ANKRD42: variants seen among roughly 807,000 people sequenced by gnomAD.
ANKRD42 encodes the protein ankyrin repeat domain-containing protein 42.
ANKRD42 carries 43 observed loss-of-function variants against 51.5 expected under a neutral mutation model. That is an observed-to-expected ratio of 0.83 (90% confidence interval 0.65 to 1.08). The LOEUF is 1.08. Ranked by LOEUF, ANKRD42 falls within the 50% of genes least tolerant of loss-of-function variation. The pLI is 0.00. For missense variants in ANKRD42, 608 were observed against 629.3 expected (o/e 0.97, Z 0.36); for synonymous variants, 203 against 213.0 (o/e 0.95, Z 0.41).
At chr11:83,242,585 T>TG (rs1863425813) in intron 9 of ANKRD42, among the ~76,000 whole-genome samples, 1 of 143,890 alleles carries the variant, frequency 6.9e-6, no homozygotes, top group African/African-American at 2.6e-5. Context: ...TTTTTTTTTT[T>TG]AGATGGAGTC....
At chr11:83,257,202 T>G (rs191162796), downstream of ANKRD42, 3 of 401,728 alleles carry the variant, frequency 7.5e-6, no homozygotes, top group Admixed American at 9.9e-5. Flanking sequence ...TAGGTCAAAA[T>G]GGCTTTAGTG....
chr11:83,249,552 T>G (rs1863639234), downstream of ANKRD42, among the ~76,000 whole-genome samples: 2 of 152,206 alleles, frequency 1.3e-5, no homozygotes, highest in African/African-American at 2.4e-5. Context: ...TTTCTGTCTT[T>G]TAGCTATTTA....
At chr11:83,203,730 GT>G (rs1861960625) in intron 2 of ANKRD42, among the ~76,000 whole-genome samples, 1 of 152,162 alleles carries the variant, frequency 6.6e-6, no homozygotes, top group East Asian at 1.9e-4. Flanking sequence ...CACCTTTACA[GT>G]TTTTTAACCT....
At chr11:83,239,455 T>C (rs1863322975) in intron 8 of ANKRD42, among the ~76,000 whole-genome samples, 1 of 152,220 alleles carries the variant, frequency 6.6e-6, no homozygotes, top group Admixed American at 6.5e-5. Flanking sequence ...TGGTGTCATA[T>C]CTAAAGAAGT....
rs374797808 is a variant in ANKRD42 at position 83,227,816 on chromosome 11, A to G, written c.857A>G (p.Asp286Gly). Reference sequence around the variant, plus strand: ...GGGATGCTTAAGAAATTAGTGGAAGATGGAGTAATCAATATTAATGAGCGT... The same window carrying G: ...GGGATGCTTAAGAAATTAGTGGAAGGTGGAGTAATCAATATTAATGAGCGT... ...DLGMLKKLVE[D>G]GVININERAD... The change falls in exon 7 of 11, where the codon GAT becomes GGT. Residue 286 changes from aspartate (D) to glycine (G), a missense_variant. Asp to Gly is a moderately conservative substitution (Grantham distance 94). Transcript: ENST00000533342. 1.2e-6 allele frequency: 2 copies of G among 1,613,626 alleles called. No individual in the cohort carries two copies. The highest frequency in any genetic ancestry group is 1.7e-5 in the Admixed American group (1 of 59,918).
At chr11:83,251,272 C>T (rs1223998696), downstream of ANKRD42, among the ~76,000 whole-genome samples, 1 of 152,252 alleles carries the variant, frequency 6.6e-6, no homozygotes. Flanking sequence ...ATCTCTCCTT[C>T]TATCAAGCAC....
In ANKRD42 at chr11:83,236,474, C is replaced by G; in HGVS notation, c.984C>G (p.Asn328Lys). 1 of 1,611,828 alleles carries G rather than the reference C, an allele frequency of 6.2e-7. No individual in the cohort carries two copies. Among genetic ancestry groups the G allele is most frequent in the Non-Finnish European group, 8.5e-7 (1 of 1,179,188 alleles). ...IKMGADSNIT[N>K]KAGERPSDVA... ...TGGGAGCAGACAGTAATATTACCAA[C>G]AAAGCAGGGGAGAGACCCAGTGATG... The change falls in exon 8 of 11, where the codon AAC (asparagine) becomes AAG (lysine). Residue 328 changes from asparagine (N) to lysine (K), a missense_variant. Physicochemically the swap from Asn to Lys is moderately conservative, Grantham distance 94 (BLOSUM62 0). Transcript: ENST00000533342.
rs1861558099 is a variant in ANKRD42 at position 83,194,660 on chromosome 11, G to A, written c.-11G>A. 1 of 1,613,806 alleles carries A rather than the reference G, an allele frequency of 6.2e-7. No homozygotes were observed. The highest frequency in any genetic ancestry group is 1.3e-5 in the African/African-American group (1 of 74,934). On this transcript the variant is annotated 5_prime_UTR_variant, in exon 1 of 11. Transcript: ENST00000533342. ...GACTCAACTCCTCCCCAGAGTCGGA[G>A]GTGTTGCGCCATGCCCGGGGTGGCC...
chr11:83,252,039 G>A (rs1863683919), downstream of ANKRD42, among the ~76,000 whole-genome samples: 2 of 152,162 alleles, frequency 1.3e-5, no homozygotes, highest in South Asian at 4.1e-4. Flanking sequence ...TGAAAAAGAA[G>A]TTGTATCTAG....
At chr11:83,212,340 C>G (rs1862355636) in intron 5 of ANKRD42, among the ~76,000 whole-genome samples, 1 of 152,142 alleles carries the variant, frequency 6.6e-6, no homozygotes, top group South Asian at 2.1e-4. Context: ...CTTGGCTTCC[C>G]AAAGTGCTGG....
At chr11:83,208,970 A>G (rs1417089006) in intron 3 of ANKRD42, among the ~76,000 whole-genome samples, 1 of 152,202 alleles carries the variant, frequency 6.6e-6, no homozygotes, top group African/African-American at 2.4e-5. Flanking sequence ...TTTGAAGCCA[A>G]TTACTCTGGA....
downstream of ANKRD42, among the ~76,000 whole-genome samples, chr11:83,250,665 G>C (rs949481270): frequency 6.6e-6 from 1 of 152,022 alleles, no homozygotes; most frequent in African/African-American, 2.4e-5. Flanking sequence ...CGAAATTCCT[G>C]GTGGTGCTTG....
chr11:83,208,071 T>C (rs1004303979), intron 3 of ANKRD42, among the ~76,000 whole-genome samples: 1 of 152,198 alleles, frequency 6.6e-6, no homozygotes, highest in African/African-American at 2.4e-5. Context: ...TCACCCTGGC[T>C]GGAGTGCAGT....
chr11:83,207,910 T>G (rs375491877), intron 3 of ANKRD42, among the ~76,000 whole-genome samples: 11 of 152,318 alleles, frequency 7.2e-5, no homozygotes, highest in African/African-American at 2.6e-4. Flanking sequence ...GATAGACTGG[T>G]TTTGTAAAGT....
chr11:83,251,361 C>T (rs1863672224), downstream of ANKRD42, among the ~76,000 whole-genome samples: 1 of 152,136 alleles, frequency 6.6e-6, no homozygotes, highest in Non-Finnish European at 1.5e-5. Flanking sequence ...TACTGAAAAT[C>T]TAAGTTTTAT....
chr11:83,211,181 G>A (rs1259886918), intron 4 of ANKRD42, 114 bp from the exon 5 acceptor site: 15 of 1,338,978 alleles, frequency 1.1e-5, no homozygotes, highest in African/African-American at 1.4e-5. Context: ...TTAAGTGTTT[G>A]CCTTCTTGTA....
intron 1 of ANKRD42, among the ~76,000 whole-genome samples, chr11:83,196,917 C>A (rs1486345763): frequency 1.3e-5 from 2 of 152,046 alleles, no homozygotes; most frequent in African/African-American, 4.8e-5. Flanking sequence ...AGAGTAGGGG[C>A]ATGAAGTGAT....
At position 83,236,421 on chromosome 11, in the gene ANKRD42, A is replaced by T; in HGVS notation, c.931A>T (p.Ile311Leu). The part of the protein sequence containing the change: ...PMHKAAGQGH[I>L]ECLQWLIKMG... The stretch of plus-strand genomic sequence containing the variant: ...TTGAACAGCTGCTGGACAAGGCCAC[A>T]TAGAGTGTTTGCAGTGGTTAATTAA... The change falls in exon 8 of 11, where the codon ATA becomes TTA. Residue 311 changes from isoleucine to leucine, a missense_variant. Ile to Leu is a conservative substitution (Grantham distance 5). Transcript: ENST00000533342. 1.2e-6 allele frequency: 2 copies of T among 1,610,628 alleles called. No individual in the cohort carries two copies. Among genetic ancestry groups the T allele is most frequent in the South Asian group, 1.1e-5 (1 of 89,814 alleles).
At chr11:83,244,675 C>A (rs149531737) in intron 9 of ANKRD42, among the ~76,000 whole-genome samples, 26 of 152,248 alleles carry the variant, frequency 1.7e-4, no homozygotes, top group African/African-American at 6.3e-4. Context: ...TGGCAGAGAA[C>A]CACTGCCATA....
Sources: gnomAD v4.1 joint callset for allele counts (sites outside exome capture counted in the v4.1 genomes callset) on GRCh38, gnomAD v4.1.1 for gene constraint, MANE v1.5 for transcripts, NCBI Gene and HGNC (gene_info 2026-07-23, HGNC 2026-07-21) for gene names.